DIAPH3: variants seen among roughly 807,000 people sequenced by gnomAD.
DIAPH3 encodes the protein diaphanous related formin 3, also known as protein diaphanous homolog 3.
Under a neutral mutation model 144.3 loss-of-function variants are expected in DIAPH3, and 117 were observed. The observed-to-expected ratio is 0.81, with a 90% CI of 0.70 to 0.95. The LOEUF (loss-of-function observed/expected upper bound fraction) is 0.95, where lower values mean the gene tolerates loss of function less well. Among genes scored for constraint, DIAPH3 ranks in the 40% least tolerant of loss-of-function variants. DIAPH3 has a pLI of 0.00. For missense variants in DIAPH3, 1,421 were observed against 1,412.7 expected, an observed-to-expected ratio of 1.01 and a Z score of -0.09; for synonymous variants, 519 against 488.9, an observed-to-expected ratio of 1.06 and a Z score of -0.81.
At chr13:60,010,427 A>T in intron 8 of DIAPH3, 106 bp downstream of exon 8, 1 of 1,221,124 alleles carries the variant, frequency 8.2e-7, no homozygotes, top group Non-Finnish European at 1.1e-6. Context: ...CTCAACATTT[A>T]TTTAAATTCT....
chr13:60,021,666 CA>C (rs55896515), intron 5 of DIAPH3, among the ~76,000 whole-genome samples: 7,759 of 81,342 alleles, frequency 0.095, 290 homozygotes, highest in East Asian at 0.34. Context: ...GGCTCTGTCT[CA>C]AAAAAAAAAA....
At chr13:59,883,599 C>T (rs1341368098) in intron 20 of DIAPH3, among the ~76,000 whole-genome samples, 1 of 152,126 alleles carries the variant, frequency 6.6e-6, no homozygotes, top group Non-Finnish European at 1.5e-5. Flanking sequence ...GTAGATATCA[C>T]ATTATAAGAA....
At chr13:59,869,824 T>C (rs2044148699) in intron 21 of DIAPH3, among the ~76,000 whole-genome samples, 1 of 152,202 alleles carries the variant, frequency 6.6e-6, no homozygotes, top group Non-Finnish European at 1.5e-5. Context: ...CTTTTGATCA[T>C]TTCTTTAAAC....
intron 27 of DIAPH3, among the ~76,000 whole-genome samples, chr13:59,746,505 T>C (rs2139084258): frequency 6.6e-6 from 1 of 152,202 alleles, no homozygotes; most frequent in East Asian, 1.9e-4. Context: ...ATTACAGGTG[T>C]GAGCCACTGC....
chr13:59,955,760 G>A (rs895688577), intron 17 of DIAPH3, among the ~76,000 whole-genome samples: 2 of 152,168 alleles, frequency 1.3e-5, no homozygotes, highest in African/African-American at 4.8e-5. Flanking sequence ...CTAGAGACTT[G>A]TTGAATGGTT....
At chr13:59,971,867 C>T (rs774112206) in intron 15 of DIAPH3, among the ~76,000 whole-genome samples, 1 of 152,172 alleles carries the variant, frequency 6.6e-6, no homozygotes, top group Non-Finnish European at 1.5e-5. Context: ...ATTCTCTTCA[C>T]CTGACCATCT....
At chr13:59,786,755 ATG>A (rs2039051663) in intron 25 of DIAPH3, among the ~76,000 whole-genome samples, 1 of 152,178 alleles carries the variant, frequency 6.6e-6, no homozygotes. Context: ...CTCTGTGTGT[ATG>A]TGTTTAGGGA....
At chr13:59,974,972 A>G (rs1389956308) in intron 14 of DIAPH3, among the ~76,000 whole-genome samples, 2 of 152,084 alleles carry the variant, frequency 1.3e-5, no homozygotes, top group East Asian at 1.9e-4. Context: ...ATCTCCTGAT[A>G]TCTTTGGGAA....
chr13:59,745,601 C>A (rs1001461360), intron 27 of DIAPH3, among the ~76,000 whole-genome samples: 1 of 152,124 alleles, frequency 6.6e-6, no homozygotes, highest in Non-Finnish European at 1.5e-5. Context: ...CATACAAACA[C>A]AGATTAAGTT....
intron 18 of DIAPH3, among the ~76,000 whole-genome samples, chr13:59,917,887 C>CT (rs2047302069): frequency 2.3e-5 from 1 of 42,916 alleles, no homozygotes; most frequent in Admixed American, 4.4e-4. Context: ...AAGACTCTGT[C>CT]TCAAAAAAAA....
intron 4 of DIAPH3, among the ~76,000 whole-genome samples, chr13:60,091,596 A>G (rs769475721): frequency 9.2e-5 from 14 of 152,030 alleles, no homozygotes; most frequent in South Asian, 2.1e-4. Flanking sequence ...CCTTATAGAC[A>G]CTTAAAAAAC....
intron 17 of DIAPH3, among the ~76,000 whole-genome samples, chr13:59,953,071 C>T (rs750020023): frequency 2.0e-5 from 3 of 152,092 alleles, no homozygotes; most frequent in East Asian, 1.9e-4. Flanking sequence ...ATGGGGATGG[C>T]GTGAGGACAA....
At chr13:60,047,271 A>G (rs1017099094) in intron 4 of DIAPH3, among the ~76,000 whole-genome samples, 4 of 150,256 alleles carry the variant, frequency 2.7e-5, no homozygotes, top group Non-Finnish European at 5.9e-5. Context: ...ACATTTTCTG[A>G]AAAAAAAAAT....
chr13:59,686,512 GAAA>G (rs147211642), intron 27 of DIAPH3, among the ~76,000 whole-genome samples: 1 of 144,536 alleles, frequency 6.9e-6, no homozygotes, highest in African/African-American at 2.6e-5. Context: ...GGCTCTTCAG[GAAA>G]AAAAAAAAAG....
At chr13:59,882,002 T>C (rs1016163377) in intron 20 of DIAPH3, among the ~76,000 whole-genome samples, 5 of 152,198 alleles carry the variant, frequency 3.3e-5, no homozygotes, top group African/African-American at 1.2e-4. Context: ...CTAGGCCAAA[T>C]GGTTGCCCTT....
At chr13:60,100,223 A>G (rs574566750) in intron 3 of DIAPH3, among the ~76,000 whole-genome samples, 1 of 152,264 alleles carries the variant, frequency 6.6e-6, no homozygotes, top group Admixed American at 6.5e-5. Context: ...AATAGGACAT[A>G]TTGATATTTC....
chr13:59,706,275 C>T (rs554646345), intron 27 of DIAPH3, among the ~76,000 whole-genome samples: 152 of 152,174 alleles, frequency 1.0e-3, no homozygotes, highest in African/African-American at 3.5e-3. Flanking sequence ...TGGTTGGTTG[C>T]GGCCACGGAT....
At chr13:60,075,407 A>T (rs1289758925) in intron 4 of DIAPH3, among the ~76,000 whole-genome samples, 1 of 152,130 alleles carries the variant, frequency 6.6e-6, no homozygotes, top group Non-Finnish European at 1.5e-5. Context: ...CGCTACCCAT[A>T]CAAAAGTTTT....
At chr13:59,823,652 G>C (rs1179321997) in intron 24 of DIAPH3, among the ~76,000 whole-genome samples, 3 of 152,040 alleles carry the variant, frequency 2.0e-5, no homozygotes, top group Non-Finnish European at 2.9e-5. Flanking sequence ...CAATCTACAA[G>C]ATTTAGGAGC....
Sources: allele counts gnomAD v4.1 joint callset (sites outside exome capture counted in the v4.1 genomes callset), GRCh38; gene constraint gnomAD v4.1.1; transcripts MANE v1.5; gene names NCBI Gene and HGNC (gene_info 2026-07-23, HGNC 2026-07-21).